MCPH1: variants seen among roughly 807,000 people sequenced by gnomAD.
The protein encoded by MCPH1 is microcephalin 1.
MCPH1 carries 104 observed loss-of-function variants against 84.5 expected under a neutral mutation model. That is an observed-to-expected ratio of 1.23 (90% CI 1.05 to 1.45). The LOEUF (loss-of-function observed/expected upper bound fraction) is 1.45. Among genes scored for constraint, MCPH1 ranks in the 40% most tolerant of loss-of-function variants. The probability of loss-of-function intolerance (pLI) is 0.00; values close to 1 mark genes in which losing one functional copy is unlikely to be tolerated. For synonymous variants in MCPH1, 514 were observed against 366.8 expected, an observed-to-expected ratio of 1.40 and a Z score of -4.58; for missense variants, 1,498 against 1,005.7, an observed-to-expected ratio of 1.49 and a Z score of -6.62.
intron 12 of MCPH1, among the ~76,000 whole-genome samples, chr8:6,607,220 T>C (rs1341522306): frequency 2.0e-5 from 3 of 152,162 alleles, no homozygotes; most frequent in Non-Finnish European, 4.4e-5. Flanking sequence ...GAAAGGAACA[T>C]CCTTGTCTCT....
chr8:6,499,880 G>T lies in MCPH1; in HGVS notation c.2165G>T (p.Trp722Leu). ...WVLWSLELGHWISEEPFELSH... is the reference protein window; with the variant it reads ...WVLWSLELGHLISEEPFELSH... ...CTATGGTCTTTAGAATTGGGTCACTGGATTTCTGAGGAGCCGTTCGAACTG... is the reference window on the plus strand; with the variant it reads ...CTATGGTCTTTAGAATTGGGTCACTTGATTTCTGAGGAGCCGTTCGAACTG... Residue 722 changes from tryptophan to leucine, a missense_variant, in exon 12 of 14, where the codon TGG becomes TTG. By Grantham distance (61) the Trp-to-Leu change is moderately conservative. Coordinates refer to ENST00000344683, the MANE Select transcript of MCPH1 (RefSeq NM_024596.5). 7 of 1,613,514 alleles carry T rather than the reference G, an allele frequency of 4.3e-6. No individual in the cohort carries two copies. Among genetic ancestry groups the T allele is most frequent in the Non-Finnish European group, 5.9e-6 (7 of 1,179,994 alleles).
Position 6,409,283 on chromosome 8 carries a change from A to C in MCPH1, c.27A>C (p.Val9=). The change falls in exon 2 of 14, where the codon GTA becomes GTC. Residue 9 remains valine, a synonymous_variant. Coordinates refer to ENST00000344683, the MANE Select transcript of MCPH1 (RefSeq NM_024596.5). MAAPILKD[V]VAYVEVWSSN... ...ATGTTCATATCTTGTTTTCAGATGT[A>C]GTGGCCTATGTTGAAGTGTGGTCAT... 2 of 1,611,286 alleles carry C rather than the reference A, an allele frequency of 1.2e-6. No homozygotes were observed. The highest frequency in any genetic ancestry group is 1.7e-4 in the Middle Eastern group (1 of 6,052).
intron 5 of MCPH1, among the ~76,000 whole-genome samples, chr8:6,437,081 G>C (rs192354587): frequency 3.2e-4 from 49 of 152,256 alleles, no homozygotes; most frequent in African/African-American, 1.1e-3. Flanking sequence ...TTCTGACACA[G>C]CATTGCTACA....
At chr8:6,494,871 C>G (rs1024925289) in intron 11 of MCPH1, among the ~76,000 whole-genome samples, 1 of 152,112 alleles carries the variant, frequency 6.6e-6, no homozygotes, top group Non-Finnish European at 1.5e-5. Flanking sequence ...GAATTGCACA[C>G]TTTAAAATGG....
intron 12 of MCPH1, among the ~76,000 whole-genome samples, chr8:6,572,945 A>G (rs1316089566): frequency 6.6e-6 from 1 of 152,272 alleles, no homozygotes; most frequent in Non-Finnish European, 1.5e-5. Flanking sequence ...TTATTTAAGA[A>G]GAACATACTC....
intron 13 of MCPH1, chr8:6,627,165 A>T: frequency 1.0e-6 from 1 of 985,358 alleles, no homozygotes; most frequent in Non-Finnish European, 1.2e-6. Flanking sequence ...AAAATGCACG[A>T]CGCTCCCATG....
intron 12 of MCPH1, among the ~76,000 whole-genome samples, chr8:6,573,392 T>G (rs1826822930): frequency 6.6e-6 from 1 of 152,130 alleles, no homozygotes; most frequent in Non-Finnish European, 1.5e-5. Flanking sequence ...ATAGGCCTTC[T>G]AGATGGATGG....
At chr8:6,417,005 G>A (rs1799401330) in intron 3 of MCPH1, among the ~76,000 whole-genome samples, 1 of 151,828 alleles carries the variant, frequency 6.6e-6, no homozygotes, top group African/African-American at 2.4e-5. Context: ...AAAGAGTAAG[G>A]GGTCCTTCTC....
chr8:6,438,820 A>G, intron 5 of MCPH1, 133 bp from the exon 6 acceptor site: 1 of 749,470 alleles, frequency 1.3e-6, no homozygotes, highest in Non-Finnish European at 2.3e-6. Context: ...GTAGAATATT[A>G]GCAGGAGTAG....
intron 12 of MCPH1, among the ~76,000 whole-genome samples, chr8:6,574,488 A>C (rs985484830): frequency 1.3e-5 from 2 of 152,250 alleles, no homozygotes; most frequent in African/African-American, 4.8e-5. Context: ...GCTGTGGCTT[A>C]GGACTTACAT....
chr8:6,583,159 T>C (rs1827693254), intron 12 of MCPH1, among the ~76,000 whole-genome samples: 2 of 152,194 alleles, frequency 1.3e-5, no homozygotes, highest in African/African-American at 4.8e-5. Flanking sequence ...CTGAGAATTT[T>C]CTTTGTTTTT....
At chr8:6,524,631 A>T (rs1259167358) in intron 12 of MCPH1, among the ~76,000 whole-genome samples, 1 of 152,240 alleles carries the variant, frequency 6.6e-6, no homozygotes, top group African/African-American at 2.4e-5. Context: ...GTTTTGGAGA[A>T]AAATCAAGAA....
intron 11 of MCPH1, among the ~76,000 whole-genome samples, chr8:6,490,787 G>A (rs988976168): frequency 1.3e-5 from 2 of 152,024 alleles, no homozygotes; most frequent in Non-Finnish European, 2.9e-5. Context: ...ATGTAATGCG[G>A]TTTTGTCAGC....
chr8:6,567,061 A>G (rs1273833651), intron 12 of MCPH1, among the ~76,000 whole-genome samples: 5 of 148,192 alleles, frequency 3.4e-5, no homozygotes, highest in Non-Finnish European at 4.5e-5. Context: ...GGCCATGGAT[A>G]GTGCACGCGG....
intron 12 of MCPH1, among the ~76,000 whole-genome samples, chr8:6,534,683 G>A (rs1052939951): frequency 3.9e-5 from 6 of 152,046 alleles, no homozygotes; most frequent in Admixed American, 2.6e-4. Flanking sequence ...CTGATACCCG[G>A]CAGGCCAGCA....
chr8:6,581,197 A>G (rs779574803), intron 12 of MCPH1, among the ~76,000 whole-genome samples: 1 of 152,194 alleles, frequency 6.6e-6, no homozygotes, highest in African/African-American at 2.4e-5. Flanking sequence ...ACAACTGTGT[A>G]TTATTTTCAT....
intron 12 of MCPH1, among the ~76,000 whole-genome samples, chr8:6,599,180 C>G (rs2061607848): frequency 6.6e-6 from 1 of 152,270 alleles, no homozygotes; most frequent in East Asian, 1.9e-4. Context: ...TAAAAAGAAG[C>G]CTTGATGTTG....
At chr8:6,564,407 C>A (rs1156332518) in intron 12 of MCPH1, among the ~76,000 whole-genome samples, 1 of 152,174 alleles carries the variant, frequency 6.6e-6, no homozygotes, top group Non-Finnish European at 1.5e-5. Flanking sequence ...CTCTAATGTC[C>A]TCATCTGTGC....
chr8:6,464,252 G>C (rs546853975), intron 9 of MCPH1, among the ~76,000 whole-genome samples: 1 of 152,310 alleles, frequency 6.6e-6, no homozygotes, highest in African/African-American at 2.4e-5. Context: ...AGTGTACCCA[G>C]AGCTGGCAGT....
Sources: allele counts gnomAD v4.1 joint callset (sites outside exome capture counted in the v4.1 genomes callset), GRCh38; gene constraint gnomAD v4.1.1; transcripts MANE v1.5; gene names NCBI Gene and HGNC (gene_info 2026-07-23, HGNC 2026-07-21).